The following SETD1B variants were observed in gnomAD, a reference collection of about 807,000 sequenced individuals.
SETD1B encodes histone-lysine N-methyltransferase SETD1B.
A neutral mutation model predicts 148.0 loss-of-function variants in SETD1B; 7 were observed. The observed-to-expected ratio is 0.05, with a 90% CI of 0.03 to 0.09. The LOEUF is 0.09. Among genes scored for constraint, SETD1B ranks in the 10% least tolerant of loss-of-function variants. The pLI, the probability that SETD1B is intolerant of heterozygous loss-of-function variation, is 1.00. For missense variants in SETD1B, 2,155 were observed against 2,729.9 expected, an observed-to-expected ratio of 0.79 and a Z score of 4.69; for synonymous variants, 1,361 against 1,186.5, an observed-to-expected ratio of 1.15 and a Z score of -3.02.
In SETD1B at chr12:121,823,437, C is replaced by T. The variant is rs1403810815; in HGVS notation, c.4858C>T (p.Pro1620Ser). 4 of 1,549,020 alleles carry T rather than the reference C, an allele frequency of 2.6e-6. No homozygotes were observed. The East Asian group carries it at 9.8e-5, about 38-fold the overall frequency. ...DNQWPSEAIP[P>S]GPRGRDEVTE... The stretch of plus-strand genomic sequence containing the variant: ...CCAGTGGCCCTCCGAGGCCATTCCT[C>T]CGGGCCCCCGTGGGCGCGATGAGGT... Residue 1620 changes from proline to serine, a missense_variant, in exon 12 of 17, where the codon CCG becomes TCG. By Grantham distance (74) the Pro-to-Ser change is moderately conservative. Around this residue, in one of 11 missense-constraint regions of SETD1B, gnomAD observed 862 missense variants for 873.8 expected, o/e 0.99. Coordinates refer to ENST00000604567, the MANE Select transcript of SETD1B (RefSeq NM_001353345.2).
rs552687003 is a variant in SETD1B at position 121,827,578 on chromosome 12, G to A, written c.5397G>A (p.Ser1799=). 7.4e-5 allele frequency: 114 copies of A among 1,550,406 alleles called. 2 individuals are homozygous for A. Among genetic ancestry groups the A allele is most frequent in the South Asian group, 6.3e-4 (53 of 84,048 alleles). Residue 1799 remains serine (S), a synonymous_variant, in exon 14 of 17, where the codon TCG becomes TCA. Coordinates refer to ENST00000604567, the MANE Select transcript of SETD1B (RefSeq NM_001353345.2). ...ASTRAGSERR[S]EQRRLLSSFT... ...CCCGGGCAGGCTCGGAGCGGCGTTC[G>A]GAGCAGCGCCGCCTGCTGTCCTCCT...
At position 121,804,457 on chromosome 12, in the gene SETD1B, G is replaced by C. The variant is rs1875605594; in HGVS notation, c.-15+224G>C. Among the ~76,000 whole-genome samples, 1 of 150,342 alleles carries C rather than the reference G, an allele frequency of 6.7e-6. No homozygotes were observed. The highest frequency in any genetic ancestry group is 6.6e-5 in the Admixed American group (1 of 15,128). ...AGTCCGCGTCCTCCGGGCGCCCCGG[G>C]CCCCGCCAGCCCGCCCAGGGGACCC... On this transcript the variant is annotated intron_variant, in intron 1 of 16. Coordinates refer to ENST00000604567, the MANE Select transcript of SETD1B (RefSeq NM_001353345.2). The surrounding 1 kb of genome is among the most constrained non-coding windows in gnomAD (Gnocchi z 4.6).
rs1406256478 is a variant in SETD1B, at chr12:121,819,878, C to T, written c.3893C>T (p.Ser1298Phe). The change falls in exon 11 of 17, where the codon TCC becomes TTC. Residue 1298 changes from serine (S) to phenylalanine (F), a missense_variant. Physicochemically the swap from Ser to Phe is radical, Grantham distance 155. Coordinates refer to ENST00000604567, the MANE Select transcript of SETD1B (RefSeq NM_001353345.2). ...GAGGTGGAGGCTCGACCCCCATTGT[C>T]CCCTGAGCGAGCTCCAGGTAACACC... ...AKEVEARPPL[S>F]PERAPEHDLE... 5.8e-6 allele frequency: 9 copies of T among 1,550,718 alleles called. No homozygotes were observed. The highest frequency in any genetic ancestry group is 2.0e-5 in the Admixed American group (1 of 50,946).
rs1458012028 is a variant in SETD1B at position 121,804,074 on chromosome 12, AGCAGCAGCGGCGGCGGCAGCG to A, written c.-165_-145del. 6.5e-6 allele frequency: 1 copy of A among 153,140 alleles called. No homozygotes were observed. The highest frequency in any genetic ancestry group is 1.9e-4 in the East Asian group (1 of 5,190). 9.5% of individuals were successfully genotyped at this position (153,140 alleles called of 1,614,324 possible). Reference sequence around the variant, plus strand: ...CGCCAGCCGCCTCCCGGGCAGCAGCAGCAGCAGCGGCGGCGGCAGCGGCAGCAGCTCCGGGCCCGGCAGCCG... The same window carrying A: ...CGCCAGCCGCCTCCCGGGCAGCAGCAGCAGCAGCTCCGGGCCCGGCAGCCG... On this transcript the variant is annotated 5_prime_UTR_variant, in exon 1 of 17. Transcript: ENST00000604567. This position sits in a 1 kb window ranked among gnomAD's most constrained non-coding sequence, Gnocchi z 4.6.
At position 121,804,596 on chromosome 12, in the gene SETD1B, G is replaced by T; in HGVS notation, c.-14-128G>T. The T allele has an allele frequency of 1.4e-6, 1 of 732,720 alleles. No individual in the cohort carries two copies. The highest frequency in any genetic ancestry group is 2.2e-6 in the Non-Finnish European group (1 of 452,836). 45.4% of individuals were successfully genotyped at this position (732,720 alleles called of 1,614,324 possible). On this transcript the variant is annotated intron_variant, in intron 1 of 16. Transcript: ENST00000604567. This position sits in a 1 kb window ranked among gnomAD's most constrained non-coding sequence, Gnocchi z 4.6. ...TGTTTTGGGGGGAGCCAGCGAGACA[G>T]CTCCTTTCGGGGCGCGCTGGCAAGG...
rs778062432 is a variant in SETD1B, at chr12:121,814,781, C to G, written c.2566C>G (p.Pro856Ala). 1 of 1,551,394 alleles carries G rather than the reference C, an allele frequency of 6.4e-7. No homozygotes were observed. Among genetic ancestry groups the G allele is most frequent in the East Asian group, 2.4e-5 (1 of 40,910 alleles). ...PPGYMPRQEDPHKATVDGVLL... is the reference protein window; with the variant it reads ...PPGYMPRQEDAHKATVDGVLL... ...AGGCTACATGCCACGCCAGGAGGAC[C>G]CACACAAAGCCACGGTGGATGGCGT... The change falls in exon 7 of 17, where the codon CCA (proline) becomes GCA (alanine). Residue 856 changes from proline to alanine, a missense_variant. Coordinates refer to ENST00000604567, the MANE Select transcript of SETD1B (RefSeq NM_001353345.2).
chr12:121,827,695 T>C (rs1377441567), intron 14 of SETD1B, 40 bp from the exon 15 acceptor site: 3 of 1,551,640 alleles, frequency 1.9e-6, no homozygotes, highest in Non-Finnish European at 1.7e-6. Context: ...CGGCAGGACC[T>C]GAGACCGGGG....
the SETD1B span, among the ~76,000 whole-genome samples, chr12:121,792,685 G>A: frequency 1.3e-5 from 2 of 152,222 alleles, no homozygotes; most frequent in African/African-American, 4.8e-5. Flanking sequence ...CAGAGCGCAG[G>A]CCACAGAGCC....
chr12:121,828,137 G>C (rs1197813115), intron 16 of SETD1B, 67 bp downstream of exon 16: 3 of 1,528,382 alleles, frequency 2.0e-6, no homozygotes, highest in Non-Finnish European at 2.6e-6. Context: ...TGTGCCAGGA[G>C]GGCCTGGAAG....
At chr12:121,806,193 C>T (rs901037776) in intron 4 of SETD1B, 88 bp downstream of exon 4, 2 of 1,402,334 alleles carry the variant, frequency 1.4e-6, no homozygotes, top group Non-Finnish European at 1.9e-6. Context: ...GAGGACCCCC[C>T]CTCACTCTTC....
chr12:121,803,521 C>G (rs1229136759), upstream of SETD1B: 2 of 152,254 alleles, frequency 1.3e-5, no homozygotes, highest in East Asian at 1.9e-4. The surrounding 1 kb of genome is among the most constrained non-coding windows in gnomAD (Gnocchi z 4.7). Context: ...GAAGCCGGAG[C>G]GCAGATACCT....
At position 121,823,638 on chromosome 12, in the gene SETD1B, G is replaced by A. The variant is rs553963413; in HGVS notation, c.5059G>A (p.Gly1687Ser). The A allele has an allele frequency of 8.4e-5, 131 of 1,551,592 alleles. No individual in the cohort carries two copies. The East Asian group carries it at 2.5e-3, about 30-fold the overall frequency. Reference protein sequence around the residue: ...EMTILYDIWNGGIDEEDIRFL... With the variant: ...EMTILYDIWNSGIDEEDIRFL... ...GACCATCCTGTATGACATCTGGAAC[G>A]GTGGCATCGATGAGGAGGACATCCG... is the stretch of plus-strand genomic sequence containing the variant. Residue 1687 changes from glycine to serine, a missense_variant, in exon 12 of 17, where the codon GGT becomes AGT. Around this residue, in one of 11 missense-constraint regions of SETD1B, gnomAD observed 96 missense variants for 148.7 expected, o/e 0.65. Transcript: ENST00000604567.
chr12:121,804,908 G>C lies in SETD1B; in HGVS notation c.171G>C (p.Leu57=). 1 of 1,505,514 alleles carries C rather than the reference G, an allele frequency of 6.6e-7. No individual in the cohort carries two copies. Among genetic ancestry groups the C allele is most frequent in the Non-Finnish European group, 8.9e-7 (1 of 1,125,820 alleles). The allele number at this position is 1,505,514 out of a possible 1,614,324, so 93.3% of individuals were successfully genotyped here. ...LYRYDGQHFS[L]AMSSNRPVEI... is the part of the protein sequence containing the mutation. The stretch of plus-strand genomic sequence containing the variant: ...GCTACGATGGGCAGCATTTCAGCCT[G>C]GCGGTGAGTAGCCGGCGCGCCCCCC... The change falls in exon 2 of 17, where the codon CTG becomes CTC. Residue 57 remains leucine (L), a synonymous_variant. Coordinates refer to ENST00000604567, the MANE Select transcript of SETD1B (RefSeq NM_001353345.2). This position sits in a 1 kb window ranked among gnomAD's most constrained non-coding sequence, Gnocchi z 4.6.
At position 121,804,927 on chromosome 12, in the gene SETD1B, G is replaced by C. The variant is rs1007046153; in HGVS notation, c.174+16G>C. The C allele has an allele frequency of 4.0e-6, 6 of 1,481,552 alleles. No homozygotes were observed. The highest frequency in any genetic ancestry group is 1.4e-5 in the African/African-American group (1 of 70,698). The allele number at this position is 1,481,552 out of a possible 1,614,324, so 91.8% of individuals were successfully genotyped here. On this transcript the variant is annotated intron_variant, in intron 2 of 16. Coordinates refer to ENST00000604567, the MANE Select transcript of SETD1B (RefSeq NM_001353345.2). This position sits in a 1 kb window ranked among gnomAD's most constrained non-coding sequence, Gnocchi z 4.6. ...CAGCCTGGCGGTGAGTAGCCGGCGC[G>C]CCCCCCCAGCCGTGCCCCGCGTCGT...
chr12:121,794,780 A>AC, the SETD1B span, among the ~76,000 whole-genome samples: 27 of 151,244 alleles, frequency 1.8e-4, no homozygotes, highest in African/African-American at 6.1e-4. Flanking sequence ...TGGCAGAGGG[A>AC]CCCCCCCCTG....
the SETD1B span, among the ~76,000 whole-genome samples, chr12:121,798,685 G>A: frequency 6.6e-6 from 1 of 152,226 alleles, no homozygotes; most frequent in Non-Finnish European, 1.5e-5. Flanking sequence ...CCCAGAGCTC[G>A]GTGTAGCCCT....
Position 121,809,805 on chromosome 12 carries a change from C to G in SETD1B, c.860C>G (p.Ser287Cys). The G allele has an allele frequency of 6.4e-7, 1 of 1,551,598 alleles. No homozygotes were observed. The highest frequency in any genetic ancestry group is 8.7e-7 in the Non-Finnish European group (1 of 1,146,976). Residue 287 changes from serine to cysteine, a missense_variant, in exon 6 of 17, where the codon TCC (serine) becomes TGC (cysteine). Around this residue, in one of 11 missense-constraint regions of SETD1B, gnomAD observed 376 missense variants for 385.0 expected, o/e 0.98. Transcript: ENST00000604567. ...CTGGGCACCCCTTTCTCACAGGACTCCAGCTACTCCAGCCGCCAGCCCACA... is the reference window on the plus strand; with the variant it reads ...CTGGGCACCCCTTTCTCACAGGACTGCAGCTACTCCAGCCGCCAGCCCACA... ...PRLGTPFSQD[S>C]SYSSRQPTPS...
At chr12:121,798,967 A>T in the SETD1B span, among the ~76,000 whole-genome samples, 1 of 152,238 alleles carries the variant, frequency 6.6e-6, no homozygotes, top group South Asian at 2.1e-4. Context: ...AGGTGTTACC[A>T]GGCTAGGGGC....
chr12:121,810,461 C>T lies in SETD1B; in HGVS notation c.1516C>T (p.Leu506=). ...CAGCCTGGACTCGCGCATCGAGATG[C>T]TGCTGAAGGAGCAGCGCACCAAGCT... ...HDSLDSRIEM[L]LKEQRTKLLF... The change falls in exon 6 of 17, where the codon CTG becomes TTG. Residue 506 remains leucine, a synonymous_variant. Transcript: ENST00000604567. The surrounding 1 kb of genome is among the most constrained non-coding windows in gnomAD (Gnocchi z 7.6). 1 of 1,548,766 alleles carries T rather than the reference C, an allele frequency of 6.5e-7. No individual in the cohort carries two copies.
Sources: gnomAD v4.1 joint callset for allele counts (sites outside exome capture counted in the v4.1 genomes callset) on GRCh38, gnomAD v4.1.1 for gene constraint, gnomAD v4.1.1 regional missense constraint, Gnocchi (gnomAD v3.1) non-coding constraint, MANE v1.5 for transcripts, NCBI Gene and HGNC (gene_info 2026-07-23, HGNC 2026-07-21) for gene names.